USP24: variants seen among roughly 807,000 people sequenced by gnomAD.
The protein encoded by USP24 is ubiquitin specific peptidase 24.
In USP24, 97 loss-of-function variants were observed where a neutral mutation model predicts 361.6. The observed-to-expected ratio is 0.27, with a 90% confidence interval of 0.23 to 0.32. The LOEUF is 0.32. Among genes scored for constraint, USP24 ranks in the 10% least tolerant of loss-of-function variants. The pLI is 1.00. For synonymous variants in USP24, 1,098 were observed against 1,124.6 expected, an observed-to-expected ratio of 0.98 and a Z score of 0.47; for missense variants, 2,353 against 3,165.6, an observed-to-expected ratio of 0.74 and a Z score of 6.16.
intron 44 of USP24, among the ~76,000 whole-genome samples, chr1:55,100,437 G>A (rs1222487181): frequency 1.3e-5 from 2 of 151,662 alleles, no homozygotes; most frequent in Admixed American, 6.6e-5. Context: ...TGGAGGTTGT[G>A]GTGAGCCAAG....
At chr1:55,106,122 G>C in intron 41 of USP24, 24 bp downstream of exon 41, 1 of 1,576,582 alleles carries the variant, frequency 6.3e-7, no homozygotes, top group East Asian at 2.2e-5. Context: ...TACCAAAACT[G>C]AACACAACGT....
chr1:55,104,355 G>C (rs1242572844), intron 41 of USP24, among the ~76,000 whole-genome samples: 1 of 152,078 alleles, frequency 6.6e-6, no homozygotes, highest in East Asian at 1.9e-4. Flanking sequence ...AAATAAAATA[G>C]GTAAGTAGAA....
chr1:55,124,149 G>A (rs1200908190), intron 35 of USP24, among the ~76,000 whole-genome samples: 1 of 152,210 alleles, frequency 6.6e-6, no homozygotes, highest in African/African-American at 2.4e-5. Flanking sequence ...TTCCAGGACT[G>A]AATTCTAAAT....
chr1:55,069,251 A>G, intron 67 of USP24, 144 bp from the exon 68 acceptor site: 1 of 733,340 alleles, frequency 1.4e-6, no homozygotes, highest in Non-Finnish European at 2.3e-6. Context: ...GATAACTATT[A>G]CATCTAATAT....
intron 3 of USP24, 111 bp from the exon 4 acceptor site, chr1:55,172,631 T>C (rs541616514): frequency 1.3e-5 from 15 of 1,195,852 alleles, no homozygotes; most frequent in South Asian, 2.1e-5. Context: ...AATACTTTTT[T>C]ATGTAGATGA....
chr1:55,094,806 C>T lies in USP24; in HGVS notation c.6203+449G>A, dbSNP rs375794156. ...TTGAGCCCAGGAGTTCCAGACCAGC[C>T]TGGGCAACATTGGGAGACCTTATCT... is the stretch of plus-strand genomic sequence containing the variant. On this transcript the variant is annotated intron_variant, in intron 51 of 67. Transcript: ENST00000294383. Among the ~76,000 whole-genome samples the T allele has an allele frequency of 8.7e-4, 132 of 151,914 alleles. 4 individuals carry two copies. In the South Asian group the frequency reaches 0.026, roughly 30 times the overall value.
chr1:55,204,281 A>AAAAT (rs1644648779), intron 1 of USP24, among the ~76,000 whole-genome samples: 1 of 152,164 alleles, frequency 6.6e-6, no homozygotes, highest in Non-Finnish European at 1.5e-5. Flanking sequence ...ACCAGTTCCT[A>AAAAT]AAGCAATTTC....
intron 3 of USP24, among the ~76,000 whole-genome samples, chr1:55,172,825 A>G (rs560888558): frequency 7.9e-5 from 12 of 152,194 alleles, no homozygotes; most frequent in Non-Finnish European, 1.3e-4. Flanking sequence ...CGAGCAAGGT[A>G]AAAACCTGAG....
intron 38 of USP24, among the ~76,000 whole-genome samples, chr1:55,119,663 G>A (rs1259309981): frequency 3.3e-5 from 5 of 151,872 alleles, no homozygotes; most frequent in Non-Finnish European, 7.4e-5. Flanking sequence ...TAACTTGGCT[G>A]TTGGTCTTTT....
At chr1:55,137,961 A>T in intron 26 of USP24, 57 bp from the exon 27 acceptor site, 1 of 1,494,760 alleles carries the variant, frequency 6.7e-7, no homozygotes, top group Admixed American at 2.0e-5. Context: ...TCATTTAAAC[A>T]ACTGTGAGTG....
At chr1:55,133,285 C>A (rs562413665) in intron 30 of USP24, among the ~76,000 whole-genome samples, 28 of 152,196 alleles carry the variant, frequency 1.8e-4, no homozygotes, top group African/African-American at 5.1e-4. Flanking sequence ...CCTTAAGGAA[C>A]AACATTCTAA....
rs1045599390 is a variant in USP24 at position 55,199,830 on chromosome 1, G to A, written c.324+14960C>T. Among the ~76,000 whole-genome samples, 2 of 152,070 alleles carry A rather than the reference G, an allele frequency of 1.3e-5. 1 individual carries two copies. Among genetic ancestry groups the A allele is most frequent in the South Asian group, 4.1e-4 (2 of 4,822 alleles). On this transcript the variant is annotated intron_variant, in intron 1 of 67. Coordinates refer to ENST00000294383, the MANE Select transcript of USP24 (RefSeq NM_015306.3). ...TCATGCCACTGATAGAGACATACCC[G>A]AGACTGGACAATTTGCAAAAGAAGG... is the stretch of plus-strand genomic sequence containing the variant.
rs1569863107 is a variant in USP24, at chr1:55,214,890, C to T, written c.224G>A (p.Gly75Glu). Residue 75 changes from glycine to glutamate, a missense_variant, in exon 1 of 68, where the codon GGA becomes GAA. This residue lies in a region of USP24 where 253 missense variants were observed against 255.3 expected (regional missense o/e 0.99). Coordinates refer to ENST00000294383, the MANE Select transcript of USP24 (RefSeq NM_015306.3). ...GGGGCCGCCGCCGCCGCCGTCACCTCCGCCGTCGCCCCGCGGGCCCCCGCC... is the reference window on the plus strand; with the variant it reads ...GGGGCCGCCGCCGCCGCCGTCACCTTCGCCGTCGCCCCGCGGGCCCCCGCC... ...GPGGGPRGDG[G>E]GDGGGGGPSR... 2.4e-6 allele frequency: 3 copies of T among 1,255,214 alleles called. No homozygotes were observed. The highest frequency in any genetic ancestry group is 3.1e-5 in the African/African-American group (2 of 63,624). 77.8% of individuals were successfully genotyped at this position (1,255,214 alleles called of 1,614,324 possible).
At chr1:55,174,771 T>C (rs558698506) in intron 3 of USP24, among the ~76,000 whole-genome samples, 4 of 152,220 alleles carry the variant, frequency 2.6e-5, no homozygotes, top group Non-Finnish European at 5.9e-5. Context: ...TGTTACAATA[T>C]AACAATTTTG....
At chr1:55,193,283 G>C (rs1156253769) in intron 1 of USP24, among the ~76,000 whole-genome samples, 5 of 152,104 alleles carry the variant, frequency 3.3e-5, no homozygotes, top group Non-Finnish European at 5.9e-5. Context: ...GAGCATTTCG[G>C]TATCTGTGGG....
intron 1 of USP24, among the ~76,000 whole-genome samples, chr1:55,192,279 G>A (rs12059414): frequency 0.014 from 2,142 of 152,196 alleles, 45 homozygotes; most frequent in African/African-American, 0.049. Flanking sequence ...TACTGGGGAG[G>A]TACCTACCAC....
At chr1:55,111,818 C>T (rs1316665349) in intron 38 of USP24, among the ~76,000 whole-genome samples, 2 of 152,028 alleles carry the variant, frequency 1.3e-5, no homozygotes, top group Admixed American at 6.5e-5. Context: ...CTTTCTTAGA[C>T]ATCTGGAATG....
rs184149312 is a variant in USP24 at position 55,077,671 on chromosome 1, C to T, written c.7315-371G>A. Among the ~76,000 whole-genome samples the T allele has an allele frequency of 5.3e-5, 8 of 152,224 alleles. No homozygotes were observed. In the East Asian group the frequency reaches 1.5e-3, roughly 29 times the overall value. Reference sequence around the variant, plus strand: ...ATGGGAATACTCTGAGTTAAGGATGCTATGAACAAAGTACATAAAAAGTCA... The same window carrying T: ...ATGGGAATACTCTGAGTTAAGGATGTTATGAACAAAGTACATAAAAAGTCA... On this transcript the variant is annotated intron_variant, in intron 61 of 67. Coordinates refer to ENST00000294383, the MANE Select transcript of USP24 (RefSeq NM_015306.3).
rs760989954 is a variant in USP24 at position 55,125,412 on chromosome 1, G to A, written c.3868C>T (p.Pro1290Ser). The change falls in exon 34 of 68, where the codon CCA (proline) becomes TCA (serine). Residue 1290 changes from proline to serine, a missense_variant. Transcript: ENST00000294383. ...AACTGTCGGTAGGATGACTTTTCTG[G>A]GGTACCACATAAGGACATCTGTCTG... The part of the protein sequence containing the change: ...TSRQMSLCGT[P>S]EKSSYRQLSV... 1.2e-6 allele frequency: 2 copies of A among 1,613,864 alleles called. No homozygotes were observed. The highest frequency in any genetic ancestry group is 4.5e-5 in the East Asian group (2 of 44,854).
Sources: allele counts gnomAD v4.1 joint callset (sites outside exome capture counted in the v4.1 genomes callset), GRCh38; gene constraint gnomAD v4.1.1; regional missense constraint gnomAD v4.1.1; transcripts MANE v1.5; gene names NCBI Gene and HGNC (gene_info 2026-07-23, HGNC 2026-07-21).